Variants in OR1J2 observed in about 807,000 individuals in gnomAD.
OR1J2 encodes the protein olfactory receptor family 1 subfamily J member 2.
For synonymous variants in OR1J2, 142 were observed against 99.7 expected, an observed-to-expected ratio of 1.42 and a Z score of -2.52; for missense variants, 304 against 246.1, an observed-to-expected ratio of 1.24 and a Z score of -1.57.
chr9:122,558,601 C>G, the OR1J2 span, among the ~76,000 whole-genome samples: 1 of 151,506 alleles, frequency 6.6e-6, no homozygotes, highest in Non-Finnish European at 1.5e-5. Context: ...AATATTTCAT[C>G]TGAGTTTTAT....
the OR1J2 span, chr9:122,567,876 A>T: frequency 6.2e-7 from 1 of 1,614,058 alleles, no homozygotes; most frequent in South Asian, 1.1e-5. Flanking sequence ...TGCTTCTGTC[A>T]TCTGCACAAT....
At chr9:122,463,805 C>T in the OR1J2 span, among the ~76,000 whole-genome samples, 1 of 152,290 alleles carries the variant, frequency 6.6e-6, no homozygotes, top group South Asian at 2.1e-4. Context: ...CCACAGATAA[C>T]CAGCACCTGC....
chr9:122,552,480 G>A, the OR1J2 span, among the ~76,000 whole-genome samples: 1 of 152,158 alleles, frequency 6.6e-6, no homozygotes, highest in East Asian at 1.9e-4. Flanking sequence ...GAAGAGGACA[G>A]GGATAAAGGA....
chr9:122,578,775 G>A, the OR1J2 span, among the ~76,000 whole-genome samples: 2 of 152,048 alleles, frequency 1.3e-5, no homozygotes, highest in Non-Finnish European at 2.9e-5. Flanking sequence ...AAAGGCATAA[G>A]AATGATACAA....
the OR1J2 span, among the ~76,000 whole-genome samples, chr9:122,495,314 A>G: frequency 1.3e-5 from 2 of 152,324 alleles, no homozygotes; most frequent in East Asian, 3.9e-4. Flanking sequence ...TTCCTTGGGA[A>G]CACCAATTAT....
At chr9:122,535,044 G>A in the OR1J2 span, among the ~76,000 whole-genome samples, 1 of 152,076 alleles carries the variant, frequency 6.6e-6, no homozygotes, top group African/African-American at 2.4e-5. Flanking sequence ...CAGGCTAAGG[G>A]AGAAGAAGGG....
chr9:122,448,188 CAT>C, the OR1J2 span, among the ~76,000 whole-genome samples: 10 of 152,156 alleles, frequency 6.6e-5, no homozygotes, highest in African/African-American at 1.2e-4. Flanking sequence ...ACCAAGAAAA[CAT>C]ATGTGCAAAG....
At chr9:122,567,126 CTTCA>C in the OR1J2 span, 1 of 144,554 alleles carries the variant, frequency 6.9e-6, no homozygotes, top group Non-Finnish European at 1.4e-5. Context: ...CCTCCTCTTC[CTTCA>C]TTCTTTCTCT....
the OR1J2 span, among the ~76,000 whole-genome samples, chr9:122,571,169 G>C: frequency 7.2e-5 from 11 of 152,182 alleles, no homozygotes; most frequent in Admixed American, 3.9e-4. Context: ...CAGCTGTAAG[G>C]GTGATTACCA....
the OR1J2 span, among the ~76,000 whole-genome samples, chr9:122,530,246 T>C: frequency 1.3e-5 from 2 of 152,114 alleles, no homozygotes; most frequent in Non-Finnish European, 1.5e-5. Flanking sequence ...AGGAGGAGTA[T>C]TTGAGATGAC....
the OR1J2 span, among the ~76,000 whole-genome samples, chr9:122,547,332 C>G: frequency 9.4e-4 from 143 of 152,058 alleles, 3 homozygotes; most frequent in East Asian, 0.025. Flanking sequence ...AAAGGAAATG[C>G]AAGTTTTAAA....
the OR1J2 span, among the ~76,000 whole-genome samples, chr9:122,541,046 C>T: frequency 2.0e-5 from 3 of 152,180 alleles, no homozygotes; most frequent in Admixed American, 1.3e-4. Flanking sequence ...TCCCTGCTAA[C>T]ACCCTCCAGT....
chr9:122,477,394 A>G, the OR1J2 span: 1 of 1,614,086 alleles, frequency 6.2e-7, no homozygotes. Context: ...AAGGTCACAG[A>G]AGTAGTGAGG....
At position 122,511,045 on chromosome 9, in the gene OR1J2, C is replaced by T. The variant is rs760385807; in HGVS notation, c.244C>T (p.Leu82=). ...TTCATCTGTCACTGTCCCTAAGATG[C>T]TGATGGACATGCGGACTAAGTACAA... ...SFSSVTVPKM[L]MDMRTKYKSI... Residue 82 remains leucine (L), a synonymous_variant, in exon 1 of 1, where the codon CTG becomes TTG. Coordinates refer to ENST00000335302, the MANE Select transcript of OR1J2 (RefSeq NM_054107.1). The T allele has an allele frequency of 4.7e-6, 7 of 1,490,556 alleles. No individual in the cohort carries two copies. Among genetic ancestry groups the T allele is most frequent in the Admixed American group, 3.4e-5 (2 of 58,838 alleles). The allele number at this position is 1,490,556 out of a possible 1,614,324, so 92.3% of individuals were successfully genotyped here.
the OR1J2 span, among the ~76,000 whole-genome samples, chr9:122,552,819 A>T: frequency 6.9e-6 from 1 of 144,830 alleles, no homozygotes; most frequent in Non-Finnish European, 1.5e-5. Flanking sequence ...TAGGAGTTTG[A>T]TGGAGATCAT....
At chr9:122,559,519 G>A in the OR1J2 span, among the ~76,000 whole-genome samples, 9 of 152,144 alleles carry the variant, frequency 5.9e-5, no homozygotes, top group African/African-American at 9.6e-5. Context: ...ATTCTGGTAC[G>A]TTGTCTCTTT....
At chr9:122,556,828 T>G in the OR1J2 span, among the ~76,000 whole-genome samples, 1 of 152,228 alleles carries the variant, frequency 6.6e-6, no homozygotes, top group Non-Finnish European at 1.5e-5. Context: ...TTGAATCTAT[T>G]AATCAAGTTG....
chr9:122,504,269 T>G, the OR1J2 span, among the ~76,000 whole-genome samples: 6 of 152,350 alleles, frequency 3.9e-5, no homozygotes, highest in East Asian at 3.9e-4. Context: ...AACACTGCTT[T>G]GCAACTCTTC....
the OR1J2 span, among the ~76,000 whole-genome samples, chr9:122,573,245 C>T: frequency 6.6e-6 from 1 of 152,202 alleles, no homozygotes; most frequent in Non-Finnish European, 1.5e-5. Flanking sequence ...TAACAGTTAA[C>T]AGAGCTGACT....
Sources: allele counts gnomAD v4.1 joint callset (sites outside exome capture counted in the v4.1 genomes callset), GRCh38; gene constraint gnomAD v4.1.1; transcripts MANE v1.5; gene names NCBI Gene and HGNC (gene_info 2026-07-23, HGNC 2026-07-21).